Variants in FUT9 observed in about 807,000 individuals in gnomAD.
The protein encoded by FUT9 is 4-galactosyl-N-acetylglucosaminide 3-alpha-L-fucosyltransferase 9.
A neutral mutation model predicts 29.7 loss-of-function variants in FUT9; 15 were observed. The ratio of observed to expected loss-of-function variants is 0.51; its 90% CI spans 0.34 to 0.78. FUT9 has a LOEUF of 0.78. Among genes scored for constraint, FUT9 ranks in the 30% least tolerant of loss-of-function variants. The pLI is 0.01. For missense variants in FUT9, 319 were observed against 425.4 expected (o/e 0.75, Z 2.20); for synonymous variants, 169 against 153.7 (o/e 1.10, Z -0.74).
intron 2 of FUT9, among the ~76,000 whole-genome samples, chr6:96,151,298 A>G (rs899020933): frequency 6.6e-6 from 1 of 152,186 alleles, no homozygotes; most frequent in African/African-American, 2.4e-5. Flanking sequence ...CATTATAATT[A>G]TGTATAATAG....
At chr6:96,166,517 C>T (rs1011450245) in intron 2 of FUT9, among the ~76,000 whole-genome samples, 3 of 152,072 alleles carry the variant, frequency 2.0e-5, no homozygotes, top group South Asian at 2.1e-4. Context: ...AGAGGTTTAC[C>T]ATTTTGCCTT....
At chr6:96,199,765 T>G (rs1040232882) in intron 2 of FUT9, among the ~76,000 whole-genome samples, 7 of 152,144 alleles carry the variant, frequency 4.6e-5, no homozygotes, top group African/African-American at 1.7e-4. Flanking sequence ...ATTTGGCTAA[T>G]TTTTGTATAT....
At chr6:96,178,053 C>T (rs757665212) in intron 2 of FUT9, among the ~76,000 whole-genome samples, 1 of 152,128 alleles carries the variant, frequency 6.6e-6, no homozygotes, top group Non-Finnish European at 1.5e-5. Flanking sequence ...ATTCTGGGGT[C>T]CACCTACACT....
chr6:96,021,157 A>G (rs1209501670), intron 1 of FUT9, among the ~76,000 whole-genome samples: 3 of 152,084 alleles, frequency 2.0e-5, no homozygotes, highest in Non-Finnish European at 4.4e-5. Context: ...TTTGTGTAAC[A>G]TGGATCTAGG....
intron 1 of FUT9, among the ~76,000 whole-genome samples, chr6:96,017,394 C>T (rs915819134): frequency 2.0e-5 from 3 of 152,010 alleles, no homozygotes; most frequent in Admixed American, 1.3e-4. Context: ...CCATGTTTAC[C>T]GTTTTATTAT....
chr6:96,140,478 A>G (rs1772442207), intron 2 of FUT9, among the ~76,000 whole-genome samples: 1 of 152,198 alleles, frequency 6.6e-6, no homozygotes, highest in Non-Finnish European at 1.5e-5. Flanking sequence ...CTGTAGCAGT[A>G]AACTGGTACC....
intron 1 of FUT9, among the ~76,000 whole-genome samples, chr6:96,102,127 T>C (rs1030342879): frequency 2.2e-4 from 33 of 152,164 alleles, no homozygotes; most frequent in African/African-American, 8.0e-4. Flanking sequence ...AACTTTCTAA[T>C]ATCACATCTT....
rs1314205980 is a variant in FUT9, at chr6:96,211,580, G to T, written c.*7345G>T. 1.2e-5 allele frequency: 2 copies of T among 166,360 alleles called. No individual in the cohort carries two copies. The highest frequency in any genetic ancestry group is 2.9e-5 in the Non-Finnish European group (2 of 67,836). 10.3% of individuals were successfully genotyped at this position (166,360 alleles called of 1,614,324 possible). A position where few individuals can be genotyped will look rare whatever the true frequency, so the allele number is the denominator to read the frequency against. On this transcript the variant is annotated 3_prime_UTR_variant, in exon 3 of 3. Transcript: ENST00000302103. The stretch of plus-strand genomic sequence containing the variant: ...GTTAGGGTATAACTTCAATAAACAG[G>T]AGTATTTATCTAGTGGTTCAGAAAT...
rs57049980 is a variant in FUT9, at chr6:96,164,253, CT to C, written c.-8-38874del. Among the ~76,000 whole-genome samples, 801 of 105,788 alleles carry C rather than the reference CT, an allele frequency of 7.6e-3. 13 individuals are homozygous for C. The highest frequency in any genetic ancestry group is 0.025 in the African/African-American group (724 of 28,592). The allele number at this position is 105,788 out of a possible 152,430, so 69.4% of individuals were successfully genotyped here. ...ATAAACAGTTTTGGAGATCCAGGTT[CT>C]TTTTTTTTTTTTTTTTTTTTGAGAC... is the stretch of plus-strand genomic sequence containing the variant. On this transcript the variant is annotated intron_variant, in intron 2 of 2. Coordinates refer to ENST00000302103, the MANE Select transcript of FUT9 (RefSeq NM_006581.4).
chr6:96,025,568 G>A (rs910582222), intron 1 of FUT9, among the ~76,000 whole-genome samples: 4 of 151,614 alleles, frequency 2.6e-5, no homozygotes, highest in South Asian at 2.1e-4. Flanking sequence ...GTAAATAAGC[G>A]AGGTCGTGGT....
rs571665108 is a variant in FUT9 at position 96,107,024 on chromosome 6, T to C, written c.-97-7015T>C. On this transcript the variant is annotated intron_variant, in intron 1 of 2. Transcript: ENST00000302103. ...CAACATAAATTGTATAATATATGCG[T>C]ACCTATAGGACATCTTTGAATTTGC... Among the ~76,000 whole-genome samples, 8 of 152,320 alleles carry C rather than the reference T, an allele frequency of 5.3e-5. No homozygotes were observed. The South Asian group carries it at 1.7e-3, about 32-fold the overall frequency.
At chr6:96,108,115 T>A (rs1562127300) in intron 1 of FUT9, among the ~76,000 whole-genome samples, 1 of 151,890 alleles carries the variant, frequency 6.6e-6, no homozygotes, top group Non-Finnish European at 1.5e-5. Flanking sequence ...CTTCTTCTCA[T>A]TCATTCTCAC....
chr6:96,045,578 C>G (rs1770548295), intron 1 of FUT9, among the ~76,000 whole-genome samples: 1 of 152,120 alleles, frequency 6.6e-6, no homozygotes, highest in African/African-American at 2.4e-5. Context: ...GACAAGTAAG[C>G]AGTTGTCATC....
At chr6:96,114,802 C>T (rs1771880240) in intron 2 of FUT9, among the ~76,000 whole-genome samples, 2 of 152,246 alleles carry the variant, frequency 1.3e-5, no homozygotes. Flanking sequence ...ATAAGTGTTA[C>T]TCATGTCAAT....
intron 1 of FUT9, among the ~76,000 whole-genome samples, chr6:96,056,448 C>A (rs1335832295): frequency 6.6e-6 from 1 of 152,180 alleles, no homozygotes; most frequent in African/African-American, 2.4e-5. Context: ...GTTTATGTAA[C>A]TTATACTAGA....
chr6:96,149,678 C>T (rs1252507324), intron 2 of FUT9, among the ~76,000 whole-genome samples: 3 of 152,122 alleles, frequency 2.0e-5, no homozygotes, highest in Non-Finnish European at 2.9e-5. Flanking sequence ...GCAAGCATTT[C>T]TTTGCCTGAA....
chr6:96,039,192 A>G (rs2127931386), intron 1 of FUT9, among the ~76,000 whole-genome samples: 1 of 152,160 alleles, frequency 6.6e-6, no homozygotes, highest in Admixed American at 6.6e-5. Flanking sequence ...TGAACTGAAC[A>G]TCATTCAGTT....
rs139516318 is a variant in FUT9 at position 96,203,476 on chromosome 6, G to C, written c.321G>C (p.Leu107=). ...RSLYNKSHAV[L]IHHRDISWDL... is the part of the protein sequence containing the mutation. ...TGTACAACAAATCCCATGCAGTTCT[G>C]ATCCATCACCGAGACATCAGTTGGG... The change falls in exon 3 of 3, where the codon CTG becomes CTC. Residue 107 remains leucine, a synonymous_variant. Transcript: ENST00000302103. 5 of 1,609,812 alleles carry C rather than the reference G, an allele frequency of 3.1e-6. No individual in the cohort carries two copies. Among genetic ancestry groups the C allele is most frequent in the Middle Eastern group, 3.3e-4 (2 of 6,044 alleles).
At chr6:96,138,274 G>A (rs1772396987) in intron 2 of FUT9, among the ~76,000 whole-genome samples, 1 of 152,152 alleles carries the variant, frequency 6.6e-6, no homozygotes, top group Non-Finnish European at 1.5e-5. Flanking sequence ...GTCTTTGGAT[G>A]AATGAGTCAG....
Sources: gnomAD v4.1 joint callset for allele counts (sites outside exome capture counted in the v4.1 genomes callset) on GRCh38, gnomAD v4.1.1 for gene constraint, MANE v1.5 for transcripts, NCBI Gene and HGNC (gene_info 2026-07-23, HGNC 2026-07-21) for gene names.